The following BNC2 variants were observed in gnomAD, a reference collection of about 807,000 sequenced individuals.
BNC2 encodes basonuclin zinc finger protein 2.
BNC2 carries 20 observed loss-of-function variants against 76.3 expected under a neutral mutation model. That is an observed-to-expected ratio of 0.26 (90% confidence interval 0.18 to 0.38). The LOEUF (loss-of-function observed/expected upper bound fraction) is 0.38, where lower values mean the gene tolerates loss of function less well. Among genes scored for constraint, BNC2 ranks in the 10% least tolerant of loss-of-function variants. The pLI, the probability that BNC2 is intolerant of heterozygous loss-of-function variation, is 1.00. For missense variants in BNC2, 1,382 were observed against 1,399.8 expected, an observed-to-expected ratio of 0.99 and a Z score of 0.20; for synonymous variants, 582 against 514.8, an observed-to-expected ratio of 1.13 and a Z score of -1.77.
chr9:16,788,409 C>A (rs1053718078), intron 1 of BNC2, among the ~76,000 whole-genome samples: 2 of 151,844 alleles, frequency 1.3e-5, no homozygotes, highest in Non-Finnish European at 2.9e-5. Context: ...AAAAATTAGC[C>A]GGGCGTGGTG....
At chr9:16,837,656 A>T (rs1818738647) in intron 1 of BNC2, among the ~76,000 whole-genome samples, 2 of 152,220 alleles carry the variant, frequency 1.3e-5, no homozygotes, top group African/African-American at 4.8e-5. Context: ...AAACCTCAGA[A>T]TTATCTGAAG....
intron 1 of BNC2, chr9:16,867,785 G>C (rs1819578232): frequency 7.6e-6 from 1 of 132,420 alleles, no homozygotes; most frequent in Non-Finnish European, 1.5e-5. Context: ...GCTAATTTCA[G>C]TCCCACAAGG....
chr9:16,786,189 C>T (rs1826288869), intron 1 of BNC2, among the ~76,000 whole-genome samples: 1 of 152,168 alleles, frequency 6.6e-6, no homozygotes, highest in South Asian at 2.1e-4. Flanking sequence ...CTAGTTTTTA[C>T]AGAAAACATA....
intron 3 of BNC2, among the ~76,000 whole-genome samples, chr9:16,670,589 G>C (rs920839914): frequency 1.3e-5 from 2 of 152,182 alleles, no homozygotes; most frequent in South Asian, 2.1e-4. Flanking sequence ...TAAAGCAGTA[G>C]ACTTGTGTTA....
intron 5 of BNC2, among the ~76,000 whole-genome samples, chr9:16,513,530 T>C (rs1372172162): frequency 6.6e-6 from 1 of 151,996 alleles, no homozygotes; most frequent in Non-Finnish European, 1.5e-5. Flanking sequence ...TGGTCTCGAT[T>C]TCCTGACCTC....
chr9:16,773,158 C>T (rs192428768), intron 1 of BNC2, among the ~76,000 whole-genome samples: 55 of 152,214 alleles, frequency 3.6e-4, no homozygotes, highest in African/African-American at 1.2e-3. Context: ...CCCAGACAGA[C>T]GGATGGATCA....
chr9:16,686,455 A>G (rs528338725), intron 3 of BNC2, among the ~76,000 whole-genome samples: 2 of 152,236 alleles, frequency 1.3e-5, no homozygotes, highest in Non-Finnish European at 2.9e-5. Context: ...CTTTTTAAAA[A>G]TTTCTAATTG....
At position 16,417,569 on chromosome 9, in the gene BNC2, A is replaced by G. The variant is rs1820611685; in HGVS notation, c.*1420T>C. 2.6e-5 allele frequency: 4 copies of G among 152,274 alleles called. No homozygotes were observed. In the South Asian group the frequency reaches 6.2e-4, roughly 24 times the overall value. The allele number at this position is 152,274 out of a possible 1,614,324, so 9.4% of individuals were successfully genotyped here. A position where few individuals can be genotyped will look rare whatever the true frequency, so the allele number is the denominator to read the frequency against. On this transcript the variant is annotated 3_prime_UTR_variant, in exon 7 of 7. Transcript: ENST00000380672. ...TAAATGCCTTTTGATTTTGTCTACCAAACAGGCCTGAATTATAGTACGACT... is the reference window on the plus strand; with the variant it reads ...TAAATGCCTTTTGATTTTGTCTACCGAACAGGCCTGAATTATAGTACGACT...
chr9:16,553,790 C>T (rs1048214859), intron 4 of BNC2, among the ~76,000 whole-genome samples: 1 of 152,148 alleles, frequency 6.6e-6, no homozygotes, highest in Non-Finnish European at 1.5e-5. Flanking sequence ...TTACTGCACA[C>T]CCTATTGCTG....
In BNC2 at chr9:16,773,489, G is replaced by C. The variant is rs189390071; in HGVS notation, c.4-35004C>G. On this transcript the variant is annotated intron_variant, in intron 1 of 6. Transcript: ENST00000380672. Reference sequence around the variant, plus strand: ...TTTCTCCTAATTGCTGACAAGAAAAGAGGACTACACGTCATGCAATCAGAA... The same window carrying C: ...TTTCTCCTAATTGCTGACAAGAAAACAGGACTACACGTCATGCAATCAGAA... 6.5e-5 allele frequency among the ~76,000 whole-genome samples: 9 copies of C among 139,418 alleles called. No homozygotes were observed. The East Asian group carries it at 1.6e-3, about 26-fold the overall frequency. The allele number at this position is 139,418 out of a possible 152,430, so 91.5% of individuals were successfully genotyped here.
chr9:16,853,406 CAAA>C (rs34704088), intron 1 of BNC2, among the ~76,000 whole-genome samples: 18 of 86,944 alleles, frequency 2.1e-4, no homozygotes, highest in Admixed American at 5.5e-4. Context: ...GACCTTGTCT[CAAA>C]AAAAAAAAAA....
intron 3 of BNC2, among the ~76,000 whole-genome samples, chr9:16,687,775 A>G (rs1823021190): frequency 6.6e-6 from 1 of 152,208 alleles, no homozygotes; most frequent in African/African-American, 2.4e-5. Flanking sequence ...AGTTCTTTTT[A>G]TCTTCACAGT....
chr9:16,795,297 T>C (rs545659241), intron 1 of BNC2, among the ~76,000 whole-genome samples: 1 of 151,756 alleles, frequency 6.6e-6, no homozygotes, highest in Admixed American at 6.6e-5. Context: ...CCGGTCTTTC[T>C]ACAGTCCAGA....
At chr9:16,654,046 G>C (rs994548617) in intron 3 of BNC2, among the ~76,000 whole-genome samples, 4 of 152,054 alleles carry the variant, frequency 2.6e-5, no homozygotes, top group Admixed American at 6.6e-5. Context: ...ACCTACAAGC[G>C]CAGTCTGCAC....
intron 5 of BNC2, among the ~76,000 whole-genome samples, chr9:16,509,895 G>A (rs1401588231): frequency 6.6e-6 from 1 of 152,210 alleles, no homozygotes; most frequent in Non-Finnish European, 1.5e-5. Flanking sequence ...TAGCTGACAT[G>A]GTTCTCTGTC....
chr9:16,670,400 G>T (rs1024388313), intron 3 of BNC2, among the ~76,000 whole-genome samples: 7 of 152,112 alleles, frequency 4.6e-5, no homozygotes, highest in African/African-American at 1.7e-4. Context: ...CTGTTCCCTT[G>T]AACTTCTGGG....
At chr9:16,641,889 T>C (rs1310074152) in intron 3 of BNC2, among the ~76,000 whole-genome samples, 4 of 152,186 alleles carry the variant, frequency 2.6e-5, no homozygotes, top group Admixed American at 2.6e-4. Context: ...CAAAATACCA[T>C]GTAAGATGAT....
intron 3 of BNC2, among the ~76,000 whole-genome samples, chr9:16,707,197 G>GCCC (rs143519773): frequency 8.8e-5 from 13 of 147,840 alleles, no homozygotes; most frequent in African/African-American, 3.2e-4. Context: ...GCAAGACTCC[G>GCCC]CCCCCCCGCC....
In BNC2 at chr9:16,410,440, A is replaced by C. The variant is rs1820436111; in HGVS notation, c.*8549T>G. ...TCACCCCTCTGACCTTCATGTACCC[A>C]GGTTTAGCTCTCCTGCATTCTTTAT... On this transcript the variant is annotated 3_prime_UTR_variant, in exon 7 of 7. Transcript: ENST00000380672. The C allele has an allele frequency of 6.6e-6, 1 of 152,614 alleles. No homozygotes were observed. Among genetic ancestry groups the C allele is most frequent in the African/African-American group, 2.4e-5 (1 of 41,424 alleles). The allele number at this position is 152,614 out of a possible 1,614,324, so 9.5% of individuals were successfully genotyped here. A position where few individuals can be genotyped will look rare whatever the true frequency, so the allele number is the denominator to read the frequency against.
Sources: allele counts gnomAD v4.1 joint callset (sites outside exome capture counted in the v4.1 genomes callset), GRCh38; gene constraint gnomAD v4.1.1; transcripts MANE v1.5; gene names NCBI Gene and HGNC (gene_info 2026-07-23, HGNC 2026-07-21).